CTNNA3: variants seen among roughly 807,000 people sequenced by gnomAD.
CTNNA3 encodes the protein catenin alpha-3.
Under a neutral mutation model 95.7 loss-of-function variants are expected in CTNNA3, and 76 were observed. The observed-to-expected ratio is 0.79, with a 90% CI of 0.66 to 0.96. The LOEUF (loss-of-function observed/expected upper bound fraction) is 0.96, where lower values mean the gene tolerates loss of function less well. Among genes scored for constraint, CTNNA3 ranks in the 40% least tolerant of loss-of-function variants. The pLI is 0.00. For missense variants in CTNNA3, 1,191 were observed against 1,089.8 expected (o/e 1.09, Z -1.31); for synonymous variants, 431 against 374.4 (o/e 1.15, Z -1.74).
chr10:67,643,097 T>C (rs976531917), intron 2 of CTNNA3, among the ~76,000 whole-genome samples: 1 of 152,104 alleles, frequency 6.6e-6, no homozygotes, highest in Non-Finnish European at 1.5e-5. Flanking sequence ...ATAGACTGGA[T>C]AAAGAAAATG....
intron 17 of CTNNA3, among the ~76,000 whole-genome samples, chr10:65,937,622 C>A (rs2077363079): frequency 6.6e-6 from 1 of 152,086 alleles, no homozygotes; most frequent in African/African-American, 2.4e-5. Flanking sequence ...TCTTTGTGCA[C>A]CCTGTTGTAT....
intron 15 of CTNNA3, among the ~76,000 whole-genome samples, chr10:66,064,928 G>T (rs1467681601): frequency 6.6e-6 from 1 of 151,920 alleles, no homozygotes; most frequent in Non-Finnish European, 1.5e-5. Flanking sequence ...TATATACTAA[G>T]CATATATACA....
chr10:66,744,354 G>A (rs1849432234), intron 9 of CTNNA3, among the ~76,000 whole-genome samples: 1 of 152,066 alleles, frequency 6.6e-6, no homozygotes, highest in Non-Finnish European at 1.5e-5. Context: ...TTCTAATTTG[G>A]ATCAAAGAAT....
At chr10:66,886,601 T>A (rs1009686371) in intron 7 of CTNNA3, among the ~76,000 whole-genome samples, 1 of 152,184 alleles carries the variant, frequency 6.6e-6, no homozygotes, top group Non-Finnish European at 1.5e-5. Flanking sequence ...TCCAGGACCA[T>A]CTAATTCACT....
chr10:66,960,261 TA>T lies in CTNNA3; in HGVS notation c.1048-184738del, dbSNP rs139919408. On this transcript the variant is annotated intron_variant, in intron 7 of 17. Coordinates refer to ENST00000433211, the MANE Select transcript of CTNNA3 (RefSeq NM_013266.4). ...CATTTTTAGTTTAATTACATTAACA[TA>T]AAAAATGATCACAAATCTCCTACAA... 3.3e-3 allele frequency among the ~76,000 whole-genome samples: 508 copies of T among 152,246 alleles called. 4 individuals carry two copies. Among genetic ancestry groups the T allele is most frequent in the African/African-American group, 0.012 (485 of 41,572 alleles).
In CTNNA3 at chr10:67,343,142, T is replaced by G. The variant is rs141037835; in HGVS notation, c.580-123272A>C. 8.1e-3 allele frequency among the ~76,000 whole-genome samples: 1,230 copies of G among 151,958 alleles called. 26 individuals carry two copies. Among genetic ancestry groups the G allele is most frequent in the African/African-American group, 0.028 (1,163 of 41,466 alleles). ...ATTTTTGTATTTTTAGTAGAGACAGTGTTTCACCATGTTGGCCAGGCTGGT... is the reference window on the plus strand; with the variant it reads ...ATTTTTGTATTTTTAGTAGAGACAGGGTTTCACCATGTTGGCCAGGCTGGT... On this transcript the variant is annotated intron_variant, in intron 5 of 17. Coordinates refer to ENST00000433211, the MANE Select transcript of CTNNA3 (RefSeq NM_013266.4).
intron 12 of CTNNA3, among the ~76,000 whole-genome samples, chr10:66,367,292 T>G (rs1269712332): frequency 6.6e-6 from 1 of 152,070 alleles, no homozygotes; most frequent in Non-Finnish European, 1.5e-5. Context: ...AAATATAAAC[T>G]AGTTCAAGCC....
At chr10:67,648,784 G>A (rs1331246928) in intron 1 of CTNNA3, 1 of 1,289,394 alleles carries the variant, frequency 7.8e-7, no homozygotes, top group Non-Finnish European at 1.0e-6. Context: ...CCTTCTAAAA[G>A]TAGAAACATG....
intron 5 of CTNNA3, among the ~76,000 whole-genome samples, chr10:67,358,510 C>T (rs1032324603): frequency 9.9e-5 from 15 of 152,116 alleles, no homozygotes; most frequent in Admixed American, 9.8e-4. Flanking sequence ...AGGAAGCCTA[C>T]ATAGAGTCCC....
chr10:67,478,870 G>A (rs755562680), intron 5 of CTNNA3, among the ~76,000 whole-genome samples: 6 of 149,916 alleles, frequency 4.0e-5, no homozygotes, highest in African/African-American at 9.8e-5. Context: ...AAGACCTATC[G>A]CTCACACACA....
intron 14 of CTNNA3, among the ~76,000 whole-genome samples, chr10:66,074,830 T>C (rs1396928995): frequency 1.3e-5 from 2 of 151,862 alleles, no homozygotes; most frequent in Admixed American, 1.3e-4. Context: ...TTGTACTTTT[T>C]AGATGTATTT....
At position 65,918,745 on chromosome 10, in the gene CTNNA3, T is replaced by G. The variant is rs1023258819; in HGVS notation, c.*1585A>C. Reference sequence around the variant, plus strand: ...ATTGAAATAATTCATTACAAGAAATTTAACATTTCCTGCATAATTAATAAT... The same window carrying G: ...ATTGAAATAATTCATTACAAGAAATGTAACATTTCCTGCATAATTAATAAT... On this transcript the variant is annotated 3_prime_UTR_variant, in exon 18 of 18. Transcript: ENST00000433211. 3.3e-5 allele frequency: 5 copies of G among 151,096 alleles called. No homozygotes were observed. The highest frequency in any genetic ancestry group is 1.2e-4 in the African/African-American group (5 of 41,302). The allele number at this position is 151,096 out of a possible 1,614,324, so 9.4% of individuals were successfully genotyped here.
At chr10:67,637,010 T>C (rs1379947734) in intron 2 of CTNNA3, among the ~76,000 whole-genome samples, 4 of 152,138 alleles carry the variant, frequency 2.6e-5, no homozygotes, top group Admixed American at 2.0e-4. Context: ...CAAAGCTGCA[T>C]GGAGAATGAC....
Position 67,566,043 on chromosome 10 carries a change from G to GTGTGTA in CTNNA3, c.293-26375_293-26374insTACACA, listed in dbSNP as rs1274109672. Among the ~76,000 whole-genome samples, 18 of 26,970 alleles carry GTGTGTA rather than the reference G, an allele frequency of 6.7e-4. 1 individual carries two copies. Among genetic ancestry groups the GTGTGTA allele is most frequent in the Non-Finnish European group, 1.0e-3 (16 of 15,834 alleles). The allele number at this position is 26,970 out of a possible 152,430, so 17.7% of individuals were successfully genotyped here. On this transcript the variant is annotated intron_variant, in intron 3 of 17. Transcript: ENST00000433211. ...CACACACACACACATATGTGTGTGTGTATATATATATATATATATATATAT... is the reference window on the plus strand; with the variant it reads ...CACACACACACACATATGTGTGTGTGTGTGTATATATATATATATATATATATATAT...
intron 14 of CTNNA3, among the ~76,000 whole-genome samples, chr10:66,096,164 A>G (rs2081378638): frequency 6.6e-6 from 1 of 152,188 alleles, no homozygotes; most frequent in Admixed American, 6.6e-5. Flanking sequence ...ATATCCTTAA[A>G]TAAAAATCTT....
At chr10:67,074,432 G>C (rs1208353299) in intron 7 of CTNNA3, among the ~76,000 whole-genome samples, 1 of 132,374 alleles carries the variant, frequency 7.6e-6, no homozygotes, top group Admixed American at 8.8e-5. Flanking sequence ...CTCACTGCAA[G>C]CTCCACCTCC....
intron 12 of CTNNA3, among the ~76,000 whole-genome samples, chr10:66,321,499 G>A (rs2092184987): frequency 6.6e-6 from 1 of 152,014 alleles, no homozygotes; most frequent in Admixed American, 6.6e-5. Context: ...CTCTTAGCCT[G>A]TTTTAGAATC....
chr10:66,407,787 G>C (rs576885777), intron 11 of CTNNA3, among the ~76,000 whole-genome samples: 8 of 152,198 alleles, frequency 5.3e-5, no homozygotes, highest in African/African-American at 1.4e-4. Flanking sequence ...CACCATCTTG[G>C]CCAGGCTGGT....
chr10:67,090,564 G>A (rs1027703147), intron 7 of CTNNA3, among the ~76,000 whole-genome samples: 10 of 152,048 alleles, frequency 6.6e-5, no homozygotes, highest in African/African-American at 1.4e-4. Context: ...CTCACTAGAC[G>A]AGTGATTTTA....
Sources: gnomAD v4.1 joint callset for allele counts (sites outside exome capture counted in the v4.1 genomes callset) on GRCh38, gnomAD v4.1.1 for gene constraint, MANE v1.5 for transcripts, NCBI Gene and HGNC (gene_info 2026-07-23, HGNC 2026-07-21) for gene names.